PICALM: variants seen among roughly 807,000 people sequenced by gnomAD.
PICALM encodes the protein phosphatidylinositol binding clathrin assembly protein, also known as phosphatidylinositol-binding clathrin assembly protein.
A neutral mutation model predicts 80.5 loss-of-function variants in PICALM; 40 were observed. The observed-to-expected ratio is 0.50, with a 90% CI of 0.39 to 0.65. The LOEUF is 0.65. PICALM is among the 30% of genes least tolerant of loss of function. PICALM has a pLI of 0.00. For synonymous variants in PICALM, 288 were observed against 260.3 expected, an observed-to-expected ratio of 1.11 and a Z score of -1.02; for missense variants, 676 against 778.9, an observed-to-expected ratio of 0.87 and a Z score of 1.57.
At chr11:85,989,490 AAAG>A (rs1235436000) in intron 13 of PICALM, among the ~76,000 whole-genome samples, 1 of 152,198 alleles carries the variant, frequency 6.6e-6, no homozygotes, top group East Asian at 1.9e-4. Flanking sequence ...GAACTGAACA[AAAG>A]AAATTTCATC....
chr11:85,965,807 G>GGTTT (rs1555005872), intron 19 of PICALM, among the ~76,000 whole-genome samples: 2 of 79,256 alleles, frequency 2.5e-5, no homozygotes, highest in African/African-American at 1.2e-4. Flanking sequence ...TACCCATTTT[G>GGTTT]TTTTTTTGTT....
At chr11:86,041,039 C>G (rs1234277630) in intron 1 of PICALM, among the ~76,000 whole-genome samples, 1 of 152,090 alleles carries the variant, frequency 6.6e-6, no homozygotes, top group Non-Finnish European at 1.5e-5. Context: ...TCCCTGGTTT[C>G]AATTTCATAC....
rs11407535 is a variant in PICALM at position 85,975,592 on chromosome 11, C to CTTTTTTT, written c.1840-787_1840-781dup. 4.1e-4 allele frequency among the ~76,000 whole-genome samples: 37 copies of CTTTTTTT among 89,614 alleles called. 1 individual carries two copies. Among genetic ancestry groups the CTTTTTTT allele is most frequent in the Middle Eastern group, 0.013 (1 of 76 alleles). 58.8% of individuals were successfully genotyped at this position (89,614 alleles called of 152,430 possible). ...TTTATGGCCTGAGTTTCTCAGCAGACTTTTTTTTTTTTTTTTTTTTTTGAG... is the reference window on the plus strand; with the variant it reads ...TTTATGGCCTGAGTTTCTCAGCAGACTTTTTTTTTTTTTTTTTTTTTTTTTTTTTGAG... On this transcript the variant is annotated intron_variant, in intron 18 of 19. Transcript: ENST00000393346.
intron 8 of PICALM, chr11:86,007,225 T>C (rs2095297028): frequency 1.2e-5 from 2 of 172,592 alleles, no homozygotes; most frequent in South Asian, 1.4e-4. Context: ...AAATTGTTTT[T>C]CTAAATATCA....
At chr11:86,067,769 A>G (rs2137923124) in intron 1 of PICALM, among the ~76,000 whole-genome samples, 1 of 97,776 alleles carries the variant, frequency 1.0e-5, no homozygotes, top group East Asian at 3.4e-4. Context: ...TAACAGTTCC[A>G]GGAACTGATA....
chr11:85,979,565 C>CAA (rs1007452508), intron 17 of PICALM, among the ~76,000 whole-genome samples: 1 of 151,092 alleles, frequency 6.6e-6, no homozygotes, highest in Non-Finnish European at 1.5e-5. Context: ...AAAACAACAA[C>CAA]AAAAAAACAC....
At chr11:86,011,662 ATAGATTAAAGCATCCCTG>A (rs2095396000) in intron 6 of PICALM, among the ~76,000 whole-genome samples, 1 of 152,148 alleles carries the variant, frequency 6.6e-6, no homozygotes, top group Non-Finnish European at 1.5e-5. Flanking sequence ...CCCTATCCCT[ATAGATTAAAGCATCCCTG>A]AGTAAGTCCA....
chr11:86,037,661 T>C (rs934515581), intron 1 of PICALM, among the ~76,000 whole-genome samples: 2 of 151,534 alleles, frequency 1.3e-5, no homozygotes, highest in African/African-American at 4.9e-5. Context: ...ATCACGACAT[T>C]GCACTCCAAC....
At chr11:85,996,762 A>T in intron 12 of PICALM, 64 bp downstream of exon 12, 2 of 968,044 alleles carry the variant, frequency 2.1e-6, no homozygotes. Flanking sequence ...ACAAATAAGT[A>T]AACACCACAG....
chr11:86,031,417 C>G (rs2095749940), intron 2 of PICALM, 52 bp downstream of exon 2: 4 of 1,443,084 alleles, frequency 2.8e-6, no homozygotes, highest in Non-Finnish European at 3.8e-6. Context: ...GAGAAGCTAG[C>G]TAACAATAAG....
intron 18 of PICALM, among the ~76,000 whole-genome samples, chr11:85,975,808 G>A (rs1335576511): frequency 6.6e-6 from 1 of 151,856 alleles, no homozygotes; most frequent in Non-Finnish European, 1.5e-5. Context: ...TATTGGTCAG[G>A]CTGGTCTTGA....
chr11:85,978,246 A>G, intron 17 of PICALM: 1 of 658,304 alleles, frequency 1.5e-6, no homozygotes, highest in Non-Finnish European at 2.8e-6. Context: ...TAATGAAAGA[A>G]CATCTATACT....
chr11:86,055,190 C>T (rs1188026606), intron 1 of PICALM, among the ~76,000 whole-genome samples: 6 of 151,578 alleles, frequency 4.0e-5, no homozygotes, highest in East Asian at 2.0e-4. Context: ...ATTAGCCAGG[C>T]GTGGTGGCAC....
At chr11:85,967,835 G>A (rs1210654100) in intron 19 of PICALM, among the ~76,000 whole-genome samples, 1 of 152,118 alleles carries the variant, frequency 6.6e-6, no homozygotes, top group Non-Finnish European at 1.5e-5. Flanking sequence ...AATATCTAAA[G>A]GCAACAGTGT....
At chr11:86,006,631 T>C (rs550733808) in intron 8 of PICALM, among the ~76,000 whole-genome samples, 27 of 152,076 alleles carry the variant, frequency 1.8e-4, no homozygotes, top group Admixed American at 1.0e-3. Context: ...TAGGCGACAA[T>C]AGCAAAACTC....
chr11:85,982,155 A>G (rs992913321), intron 14 of PICALM, 152 bp from the exon 15 acceptor site: 6 of 641,288 alleles, frequency 9.4e-6, no homozygotes, highest in Non-Finnish European at 1.6e-5. Flanking sequence ...TGGAAAATGA[A>G]GAAAGTCACC....
chr11:85,994,832 A>C (rs1406835872), intron 12 of PICALM, among the ~76,000 whole-genome samples: 1 of 152,036 alleles, frequency 6.6e-6, no homozygotes, highest in Admixed American at 6.5e-5. Context: ...GCCTCCCAAG[A>C]AGCTGAGATG....
intron 1 of PICALM, 106 bp downstream of exon 1, chr11:86,068,545 A>T: frequency 9.3e-7 from 1 of 1,071,610 alleles, no homozygotes; most frequent in Non-Finnish European, 1.3e-6. Context: ...GAGAAGACGC[A>T]GGGAGGGAAG....
rs2093589451 is a variant in PICALM, at chr11:85,958,620, A to G, written c.*426T>C. ...GGACTGGAGAAAAGAAAGATAATGC[A>G]TAATTAGGAATTTTAATTTTGATCC... On this transcript the variant is annotated 3_prime_UTR_variant, in exon 20 of 20. Transcript: ENST00000393346. The G allele has an allele frequency of 4.3e-6, 1 of 231,260 alleles. No homozygotes were observed. Among genetic ancestry groups the G allele is most frequent in the African/African-American group, 2.2e-5 (1 of 45,156 alleles). The allele number at this position is 231,260 out of a possible 1,614,324, so 14.3% of individuals were successfully genotyped here.
Sources: allele counts gnomAD v4.1 joint callset (sites outside exome capture counted in the v4.1 genomes callset), GRCh38; gene constraint gnomAD v4.1.1; transcripts MANE v1.5; gene names NCBI Gene and HGNC (gene_info 2026-07-23, HGNC 2026-07-21).